STK39: variants seen among roughly 807,000 people sequenced by gnomAD.
STK39 encodes STE20/SPS1-related proline-alanine-rich protein kinase.
A neutral mutation model predicts 77.8 loss-of-function variants in STK39; 20 were observed. The ratio of observed to expected loss-of-function variants is 0.26; its 90% CI spans 0.18 to 0.37. The LOEUF is 0.37. Ranked by LOEUF, STK39 falls within the 10% of genes least tolerant of loss-of-function variation. The pLI is 1.00. For missense variants in STK39, 479 were observed against 656.5 expected (o/e 0.73, Z 2.95); for synonymous variants, 246 against 234.1 (o/e 1.05, Z -0.47).
intron 5 of STK39, among the ~76,000 whole-genome samples, chr2:168,142,994 G>GT (rs1448913566): frequency 6.6e-6 from 1 of 152,198 alleles, no homozygotes; most frequent in Non-Finnish European, 1.5e-5. Flanking sequence ...TGGCAGAACT[G>GT]TAACAGTGAA....
intron 1 of STK39, among the ~76,000 whole-genome samples, chr2:168,237,482 T>C (rs1257098993): frequency 6.6e-6 from 1 of 152,254 alleles, no homozygotes; most frequent in African/African-American, 2.4e-5. Flanking sequence ...CAACACTATG[T>C]TGAATAGGAG....
intron 14 of STK39, among the ~76,000 whole-genome samples, chr2:168,036,327 T>C (rs542250873): frequency 3.9e-5 from 6 of 152,092 alleles, no homozygotes; most frequent in Admixed American, 2.6e-4. Flanking sequence ...TTTTTAACCT[T>C]TGGGAGGATA....
chr2:168,241,957 C>T (rs1409789581), intron 1 of STK39, among the ~76,000 whole-genome samples: 1 of 152,224 alleles, frequency 6.6e-6, no homozygotes, highest in Non-Finnish European at 1.5e-5. Flanking sequence ...ACAGGCCAGG[C>T]TGTCAGACTC....
intron 10 of STK39, among the ~76,000 whole-genome samples, chr2:168,124,177 GCTTA>G (rs1406443942): frequency 1.3e-5 from 2 of 152,134 alleles, no homozygotes; most frequent in African/African-American, 4.8e-5. Context: ...TTAGTTAATT[GCTTA>G]CTTAATTTCA....
chr2:168,007,675 TG>T (rs906472744), intron 16 of STK39, among the ~76,000 whole-genome samples: 2 of 151,988 alleles, frequency 1.3e-5, no homozygotes, highest in African/African-American at 4.8e-5. Flanking sequence ...TGGGCATATA[TG>T]GCCCTAAAGA....
chr2:167,985,432 T>C (rs1192386263), intron 16 of STK39, among the ~76,000 whole-genome samples: 1 of 152,230 alleles, frequency 6.6e-6, no homozygotes, highest in African/African-American at 2.4e-5. Flanking sequence ...ACAAGGGTCA[T>C]GCCAGGGTTC....
chr2:168,130,118 TA>T (rs1687641530), intron 8 of STK39, among the ~76,000 whole-genome samples: 2 of 152,198 alleles, frequency 1.3e-5, no homozygotes, highest in African/African-American at 4.8e-5. Context: ...CAAGCTACCA[TA>T]TGACCCTGTC....
At chr2:168,087,974 T>A (rs1046010869) in intron 10 of STK39, among the ~76,000 whole-genome samples, 1 of 152,146 alleles carries the variant, frequency 6.6e-6, no homozygotes, top group South Asian at 2.1e-4. Flanking sequence ...TAAACATCAT[T>A]TATGTTAGGT....
intron 16 of STK39, among the ~76,000 whole-genome samples, chr2:167,975,081 G>A (rs1683239798): frequency 5.3e-5 from 8 of 152,194 alleles, no homozygotes; most frequent in Admixed American, 5.2e-4. Context: ...TATGTCTAAT[G>A]TTAATTAAGC....
intron 16 of STK39, among the ~76,000 whole-genome samples, chr2:167,988,157 G>T (rs1478473343): frequency 1.3e-5 from 2 of 152,158 alleles, no homozygotes; most frequent in Non-Finnish European, 2.9e-5. Context: ...GATTGTTACT[G>T]CTTTTAAGGC....
At chr2:168,074,405 T>C (rs1686020832) in intron 12 of STK39, among the ~76,000 whole-genome samples, 1 of 152,196 alleles carries the variant, frequency 6.6e-6, no homozygotes, top group Non-Finnish European at 1.5e-5. Context: ...ATTAATCAAA[T>C]GGAGGAAGTA....
At chr2:167,973,458 T>C (rs1377022585) in intron 16 of STK39, among the ~76,000 whole-genome samples, 3 of 152,210 alleles carry the variant, frequency 2.0e-5, no homozygotes, top group African/African-American at 4.8e-5. Flanking sequence ...GGATTTTGTA[T>C]AGTAAATTCT....
At chr2:168,213,281 T>C (rs528697438) in intron 1 of STK39, among the ~76,000 whole-genome samples, 95 of 152,334 alleles carry the variant, frequency 6.2e-4, no homozygotes, top group Middle Eastern at 6.8e-3. Flanking sequence ...TCATCTGCCA[T>C]AATAACCACA....
chr2:167,965,293 A>C (rs1692124804), intron 16 of STK39, among the ~76,000 whole-genome samples: 3 of 152,256 alleles, frequency 2.0e-5, no homozygotes, highest in Admixed American at 1.3e-4. Context: ...CTTTCAGAGC[A>C]CAGTGATCTG....
chr2:167,982,774 C>T (rs189352771), intron 16 of STK39, among the ~76,000 whole-genome samples: 156 of 152,302 alleles, frequency 1.0e-3, no homozygotes, highest in Middle Eastern at 0.01. Context: ...TCAGAAGCTG[C>T]TATTTTCCCC....
At chr2:168,237,693 G>A (rs1283874450) in intron 1 of STK39, among the ~76,000 whole-genome samples, 1 of 152,104 alleles carries the variant, frequency 6.6e-6, no homozygotes, top group Non-Finnish European at 1.5e-5. Flanking sequence ...TGGGACCATA[G>A]GCAAGTTTCT....
At chr2:167,999,393 GC>G (rs1683933854) in intron 16 of STK39, among the ~76,000 whole-genome samples, 1 of 152,186 alleles carries the variant, frequency 6.6e-6, no homozygotes. Flanking sequence ...CTTCTTGAGG[GC>G]AAGGACCCTG....
chr2:168,040,583 T>A (rs1432392933), intron 14 of STK39, among the ~76,000 whole-genome samples: 3 of 152,226 alleles, frequency 2.0e-5, no homozygotes, highest in Admixed American at 1.3e-4. Flanking sequence ...GTTCAAAACA[T>A]GAAATCCTTC....
intron 1 of STK39, among the ~76,000 whole-genome samples, chr2:168,230,570 G>GC (rs1471378921): frequency 1.3e-5 from 2 of 152,158 alleles, no homozygotes; most frequent in Non-Finnish European, 2.9e-5. Flanking sequence ...TGTATTATAA[G>GC]CAAGTACAAT....
Sources: allele counts gnomAD v4.1 joint callset (sites outside exome capture counted in the v4.1 genomes callset), GRCh38; gene constraint gnomAD v4.1.1; transcripts MANE v1.5; gene names NCBI Gene and HGNC (gene_info 2026-07-23, HGNC 2026-07-21).